Variants in STXBP5L observed in about 807,000 individuals in gnomAD.
The protein encoded by STXBP5L is syntaxin binding protein 5L, also known as syntaxin-binding protein 5-like.
A neutral mutation model predicts 144.5 loss-of-function variants in STXBP5L; 65 were observed. The ratio of observed to expected loss-of-function variants is 0.45; its 90% CI spans 0.37 to 0.55. The LOEUF is 0.55. Among genes scored for constraint, STXBP5L ranks in the 20% least tolerant of loss-of-function variants. The probability of loss-of-function intolerance (pLI) is 0.00; values close to 1 mark genes in which losing one functional copy is unlikely to be tolerated. For missense variants in STXBP5L, 1,298 were observed against 1,405.5 expected, an observed-to-expected ratio of 0.92 and a Z score of 1.22; for synonymous variants, 505 against 469.6, an observed-to-expected ratio of 1.08 and a Z score of -0.97.
chr3:121,212,828 G>T (rs907021273), intron 10 of STXBP5L, among the ~76,000 whole-genome samples: 1 of 152,130 alleles, frequency 6.6e-6, no homozygotes, highest in African/African-American at 2.4e-5. Context: ...TCGTGATATT[G>T]ATTCTTCCTA....
At chr3:121,265,431 C>T (rs1391866479) in intron 18 of STXBP5L, among the ~76,000 whole-genome samples, 1 of 151,750 alleles carries the variant, frequency 6.6e-6, no homozygotes, top group Non-Finnish European at 1.5e-5. Context: ...CCAATGAGAA[C>T]AGACACAACG....
intron 5 of STXBP5L, among the ~76,000 whole-genome samples, chr3:121,110,052 A>G (rs562423878): frequency 1.3e-5 from 2 of 151,698 alleles, no homozygotes; most frequent in African/African-American, 2.4e-5. Flanking sequence ...TCTGCTTTTT[A>G]TTTGCTGGTA....
chr3:121,089,997 C>A (rs1335076257), intron 5 of STXBP5L, among the ~76,000 whole-genome samples: 2 of 151,926 alleles, frequency 1.3e-5, no homozygotes, highest in Non-Finnish European at 2.9e-5. Context: ...CTTGTTGAAA[C>A]CTTTTCATGA....
At chr3:120,968,755 G>A (rs1939891119) in intron 3 of STXBP5L, among the ~76,000 whole-genome samples, 1 of 151,950 alleles carries the variant, frequency 6.6e-6, no homozygotes, top group South Asian at 2.1e-4. Flanking sequence ...TCACTCTTAT[G>A]CCTTTGCATC....
Position 121,279,904 on chromosome 3 carries a change from C to G in STXBP5L, c.2058C>G (p.Asp686Glu). 6.2e-7 allele frequency: 1 copy of G among 1,612,452 alleles called. No individual in the cohort carries two copies. Among genetic ancestry groups the G allele is most frequent in the Non-Finnish European group, 8.5e-7 (1 of 1,178,892 alleles). The change falls in exon 19 of 27, where the codon GAC (aspartate) becomes GAG (glutamate). Residue 686 changes from aspartate (D) to glutamate (E), a missense_variant. Coordinates refer to ENST00000471454, the MANE Select transcript of STXBP5L (RefSeq NM_001308330.2). Reference protein sequence around the residue: ...MGTIDLYRSSDLYQRQPRSPR... With the variant: ...MGTIDLYRSSELYQRQPRSPR... ...CCATTGACCTATATAGATCAAGTGA[C>G]TTATACCAGCGACAACCACGGTCTC...
chr3:121,060,134 G>C (rs947934126), intron 5 of STXBP5L, among the ~76,000 whole-genome samples: 2 of 152,126 alleles, frequency 1.3e-5, no homozygotes, highest in African/African-American at 4.8e-5. Context: ...TTATTATTTT[G>C]AGATACGTTC....
intron 9 of STXBP5L, among the ~76,000 whole-genome samples, chr3:121,162,811 A>T (rs1006675456): frequency 1.3e-5 from 2 of 152,240 alleles, no homozygotes; most frequent in African/African-American, 2.4e-5. Context: ...ACCAACAAAT[A>T]TATGAAAAAA....
At chr3:121,178,144 T>C (rs1416971242) in intron 9 of STXBP5L, among the ~76,000 whole-genome samples, 2 of 152,180 alleles carry the variant, frequency 1.3e-5, no homozygotes, top group East Asian at 1.9e-4. Flanking sequence ...TAAAGAGTTA[T>C]TGTTAATGGG....
intron 22 of STXBP5L, among the ~76,000 whole-genome samples, chr3:121,390,323 G>A (rs1211275228): frequency 6.6e-6 from 1 of 152,150 alleles, no homozygotes; most frequent in East Asian, 1.9e-4. Context: ...TACACTGATG[G>A]GTCTTGACTC....
intron 20 of STXBP5L, among the ~76,000 whole-genome samples, chr3:121,351,628 C>T (rs1177973928): frequency 6.6e-6 from 1 of 152,080 alleles, no homozygotes; most frequent in Non-Finnish European, 1.5e-5. Context: ...AATTTTCTCC[C>T]ATTTATATGG....
intron 5 of STXBP5L, among the ~76,000 whole-genome samples, chr3:121,077,411 G>A (rs540352108): frequency 1.1e-4 from 17 of 152,152 alleles, no homozygotes; most frequent in East Asian, 5.8e-4. Context: ...GGATGTGTTC[G>A]GAGTTTCTTC....
intron 20 of STXBP5L, among the ~76,000 whole-genome samples, chr3:121,361,258 C>A (rs972162519): frequency 6.6e-6 from 1 of 152,068 alleles, no homozygotes; most frequent in Admixed American, 6.6e-5. Context: ...TTATTAAATG[C>A]CTTGAGGCAG....
At chr3:121,291,006 C>T (rs1022119889) in intron 19 of STXBP5L, among the ~76,000 whole-genome samples, 28 of 152,064 alleles carry the variant, frequency 1.8e-4, no homozygotes, top group Non-Finnish European at 2.9e-4. Flanking sequence ...AAGATGCCCA[C>T]TTTCACCACT....
At chr3:121,343,275 T>G (rs2108588800) in intron 20 of STXBP5L, among the ~76,000 whole-genome samples, 1 of 152,192 alleles carries the variant, frequency 6.6e-6, no homozygotes, top group Non-Finnish European at 1.5e-5. Context: ...TGCGAAAATT[T>G]TCTCCCATTT....
intron 24 of STXBP5L, among the ~76,000 whole-genome samples, chr3:121,414,963 T>C (rs1168986564): frequency 2.0e-5 from 3 of 152,096 alleles, no homozygotes; most frequent in Non-Finnish European, 4.4e-5. Flanking sequence ...AAGGAAGGAA[T>C]TAGTCATTTC....
At chr3:121,396,024 A>T (rs1479120267) in intron 22 of STXBP5L, among the ~76,000 whole-genome samples, 1 of 152,256 alleles carries the variant, frequency 6.6e-6, no homozygotes, top group African/African-American at 2.4e-5. Flanking sequence ...AAACACAAGC[A>T]TAACGTCTAC....
chr3:121,139,353 G>A lies in STXBP5L; in HGVS notation c.670-13124G>A, dbSNP rs929913333. Among the ~76,000 whole-genome samples the A allele has an allele frequency of 4.6e-5, 7 of 151,968 alleles. No individual in the cohort carries two copies. The South Asian group carries it at 1.2e-3, about 27-fold the overall frequency. Reference sequence around the variant, plus strand: ...AAAAAGCACTCTCTCTTATAAACATGTACAATTACTATATGTCAACTAAAA... The same window carrying A: ...AAAAAGCACTCTCTCTTATAAACATATACAATTACTATATGTCAACTAAAA... On this transcript the variant is annotated intron_variant, in intron 7 of 26. Transcript: ENST00000471454.
chr3:121,390,106 C>T (rs1230526955), intron 22 of STXBP5L, among the ~76,000 whole-genome samples: 1 of 152,174 alleles, frequency 6.6e-6, no homozygotes, highest in Non-Finnish European at 1.5e-5. Flanking sequence ...AAAGTTAGCT[C>T]TTCTTGTTGA....
intron 20 of STXBP5L, among the ~76,000 whole-genome samples, chr3:121,337,432 A>T (rs1468885590): frequency 6.9e-6 from 1 of 144,706 alleles, no homozygotes; most frequent in Non-Finnish European, 1.5e-5. Context: ...CTTTAAAGCA[A>T]CAACAGTAAA....
Sources: allele counts gnomAD v4.1 joint callset (sites outside exome capture counted in the v4.1 genomes callset), GRCh38; gene constraint gnomAD v4.1.1; transcripts MANE v1.5; gene names NCBI Gene and HGNC (gene_info 2026-07-23, HGNC 2026-07-21).